The following CCDC88C variants were observed in gnomAD, a reference collection of about 807,000 sequenced individuals.
The protein encoded by CCDC88C is coiled-coil and HOOK domain protein 88C, also known as protein Daple.
In CCDC88C, 131 loss-of-function variants were observed where a neutral mutation model predicts 198.8. That is an observed-to-expected ratio of 0.66 (90% CI 0.57 to 0.76). The LOEUF is 0.76. Ranked by LOEUF, CCDC88C falls within the 30% of genes least tolerant of loss-of-function variation. The probability of loss-of-function intolerance (pLI) is 0.00; values close to 1 mark genes in which losing one functional copy is unlikely to be tolerated. For synonymous variants in CCDC88C, 1,166 were observed against 1,114.7 expected (o/e 1.05, Z -0.92); for missense variants, 2,553 against 2,631.6 (o/e 0.97, Z 0.65).
intron 10 of CCDC88C, among the ~76,000 whole-genome samples, chr14:91,333,990 C>G (rs1316552186): frequency 2.0e-5 from 3 of 152,214 alleles, no homozygotes; most frequent in Non-Finnish European, 4.4e-5. Flanking sequence ...ACTTGGAATA[C>G]CTCTTCTAAC....
At chr14:91,403,167 C>T (rs1413425117) in intron 3 of CCDC88C, among the ~76,000 whole-genome samples, 1 of 152,140 alleles carries the variant, frequency 6.6e-6, no homozygotes, top group Non-Finnish European at 1.5e-5. Flanking sequence ...CTGCACCTGG[C>T]GAGGAGAGGC....
intron 4 of CCDC88C, among the ~76,000 whole-genome samples, chr14:91,356,435 C>T (rs1894043034): frequency 6.6e-6 from 1 of 152,160 alleles, no homozygotes; most frequent in Non-Finnish European, 1.5e-5. Context: ...CTTCACTTTC[C>T]CAGCCCTCAC....
chr14:91,311,969 T>TA (rs75525051), intron 15 of CCDC88C, among the ~76,000 whole-genome samples: 1 of 151,192 alleles, frequency 6.6e-6, no homozygotes, highest in East Asian at 1.9e-4. Flanking sequence ...AAAATAAATT[T>TA]AAAAAAAACT....
chr14:91,381,145 T>C lies in CCDC88C; in HGVS notation c.271-21434A>G, dbSNP rs375162247. ...AAGGTTACCTCCATCACTCAGGGGC[T>C]CCCAGAGAAGCACCTGTGGGTGGGC... On this transcript the variant is annotated intron_variant, in intron 3 of 29. Coordinates refer to ENST00000389857, the MANE Select transcript of CCDC88C (RefSeq NM_001080414.4). This position sits in a 1 kb window ranked among gnomAD's most constrained non-coding sequence, Gnocchi z 4.2. 1.5e-3 allele frequency among the ~76,000 whole-genome samples: 224 copies of C among 152,104 alleles called. 5 individuals carry two copies. The Middle Eastern group carries it at 0.034, about 23-fold the overall frequency.
At chr14:91,331,371 G>A (rs953704171) in intron 10 of CCDC88C, among the ~76,000 whole-genome samples, 9 of 152,236 alleles carry the variant, frequency 5.9e-5, no homozygotes, top group African/African-American at 2.2e-4. Context: ...AGCTGCAGGA[G>A]ATGTTGCCTG....
chr14:91,361,151 A>T (rs1391161944), intron 3 of CCDC88C, among the ~76,000 whole-genome samples: 1 of 151,052 alleles, frequency 6.6e-6, no homozygotes, highest in Admixed American at 6.6e-5. Flanking sequence ...AAAAAAATCC[A>T]ATTTTACGGA....
At chr14:91,287,636 CTTTTTTTTTTTTTT>C (rs71120129) in intron 25 of CCDC88C, among the ~76,000 whole-genome samples, 4 of 75,660 alleles carry the variant, frequency 5.3e-5, no homozygotes, top group South Asian at 5.4e-4. Flanking sequence ...TGCACCAGGT[CTTTTTTTTTTTTTT>C]TTTTTTTTTT....
chr14:91,407,264 C>T (rs1321443188), intron 3 of CCDC88C, among the ~76,000 whole-genome samples: 4 of 152,234 alleles, frequency 2.6e-5, no homozygotes, highest in African/African-American at 2.4e-5. Flanking sequence ...TGCCTGGCAG[C>T]CCACCCAGCA....
rs1887149609 is a variant in CCDC88C at position 91,417,761 on chromosome 14, C to G, written c.-71G>C. The G allele has an allele frequency of 2.3e-6, 3 of 1,277,910 alleles. No individual in the cohort carries two copies. Among genetic ancestry groups the G allele is most frequent in the Non-Finnish European group, 3.1e-6 (3 of 971,562 alleles). The allele number at this position is 1,277,910 out of a possible 1,614,324, so 79.2% of individuals were successfully genotyped here. A position where few individuals can be genotyped will look rare whatever the true frequency, so the allele number is the denominator to read the frequency against. On this transcript the variant is annotated 5_prime_UTR_variant, in exon 1 of 30. Coordinates refer to ENST00000389857, the MANE Select transcript of CCDC88C (RefSeq NM_001080414.4). ...CGTTCCCCCGCGCCGCGGCACAAAA[C>G]GGCTCCGCAGCGAGCAGCGGGCGCG...
At chr14:91,293,427 C>G (rs1333303253) in intron 23 of CCDC88C, among the ~76,000 whole-genome samples, 7 of 143,496 alleles carry the variant, frequency 4.9e-5, no homozygotes, top group Admixed American at 7.0e-5. Context: ...TGCCACGGCC[C>G]ACCTTCCCGT....
At chr14:91,401,744 G>A (rs1209088330) in intron 3 of CCDC88C, among the ~76,000 whole-genome samples, 6 of 152,122 alleles carry the variant, frequency 3.9e-5, no homozygotes, top group Non-Finnish European at 8.8e-5. Flanking sequence ...AGTCAAAAGT[G>A]GAGAAACTAA....
chr14:91,303,172 C>G (rs890968196), intron 20 of CCDC88C, among the ~76,000 whole-genome samples: 1 of 152,014 alleles, frequency 6.6e-6, no homozygotes, highest in Non-Finnish European at 1.5e-5. Context: ...TGGCCTCAGG[C>G]CCCGCTGCAG....
At chr14:91,310,668 C>T (rs1891778507) in intron 15 of CCDC88C, among the ~76,000 whole-genome samples, 1 of 152,190 alleles carries the variant, frequency 6.6e-6, no homozygotes, top group Non-Finnish European at 1.5e-5. Flanking sequence ...CCTTGGTCTT[C>T]CAAAGTGCTG....
chr14:91,377,287 C>T (rs1884491564), intron 3 of CCDC88C, among the ~76,000 whole-genome samples: 1 of 152,162 alleles, frequency 6.6e-6, no homozygotes. Context: ...CTTACTCTTC[C>T]ACCGCGGAGC....
chr14:91,285,964 G>A (rs1890389518), intron 25 of CCDC88C: 2 of 472,382 alleles, frequency 4.2e-6, no homozygotes, highest in Non-Finnish European at 7.1e-6. Context: ...ATCCCGTCTT[G>A]CCCAGGAAAG....
intron 20 of CCDC88C, among the ~76,000 whole-genome samples, chr14:91,300,647 TCTC>T (rs1742251630): frequency 6.6e-6 from 1 of 152,054 alleles, no homozygotes; most frequent in African/African-American, 2.4e-5. Flanking sequence ...ACACAGCAGC[TCTC>T]CTCAGGCGCC....
In CCDC88C at chr14:91,315,543, C is replaced by T. The variant is rs140329067; in HGVS notation, c.1665+107G>A. On this transcript the variant is annotated intron_variant, in intron 14 of 29. Coordinates refer to ENST00000389857, the MANE Select transcript of CCDC88C (RefSeq NM_001080414.4). ...TTTAAGCTGTGGCTAAGCTAGGTAA[C>T]GGATAATCCATGCATCCACAATACA... 6,625 of 1,244,336 alleles carry T rather than the reference C, an allele frequency of 5.3e-3. 30 individuals are homozygous for T. Among genetic ancestry groups the T allele is most frequent in the Non-Finnish European group, 6.8e-3 (6,091 of 892,424 alleles). The allele number at this position is 1,244,336 out of a possible 1,614,324, so 77.1% of individuals were successfully genotyped here. A position where few individuals can be genotyped will look rare whatever the true frequency, so the allele number is the denominator to read the frequency against.
rs1359641505 is a variant in CCDC88C, at chr14:91,326,018, C to A, written c.1089G>T (p.Lys363Asn). Reference protein sequence around the residue: ...REDNIILIETKAMLEEQLTAA... With the variant: ...REDNIILIETNAMLEEQLTAA... Reference sequence around the variant, plus strand: ...CAGTCAGCTGTTCCTCCAGCATGGCCTTGGTTTCAATTAAAATGATATTAT... The same window carrying A: ...CAGTCAGCTGTTCCTCCAGCATGGCATTGGTTTCAATTAAAATGATATTAT... Residue 363 changes from lysine (K) to asparagine (N), a missense_variant, in exon 11 of 30, where the codon AAG (lysine) becomes AAT (asparagine). Physicochemically the swap from Lys to Asn is moderately conservative, Grantham distance 94. Around this residue, in one of 2 missense-constraint regions of CCDC88C, gnomAD observed 1,260 missense variants for 1,412.0 expected, o/e 0.89. Transcript: ENST00000389857. 2 of 1,607,162 alleles carry A rather than the reference C, an allele frequency of 1.2e-6. No homozygotes were observed. Among genetic ancestry groups the A allele is most frequent in the Non-Finnish European group, 1.7e-6 (2 of 1,176,672 alleles).
intron 10 of CCDC88C, among the ~76,000 whole-genome samples, chr14:91,333,363 G>A (rs1347226833): frequency 6.6e-6 from 1 of 152,078 alleles, no homozygotes; most frequent in African/African-American, 2.4e-5. Flanking sequence ...CATTTTCGTC[G>A]TCTGTGAAAT....
Sources: allele counts gnomAD v4.1 joint callset (sites outside exome capture counted in the v4.1 genomes callset), GRCh38; gene constraint gnomAD v4.1.1; regional missense constraint gnomAD v4.1.1; non-coding constraint Gnocchi (gnomAD v3.1); transcripts MANE v1.5; gene names NCBI Gene and HGNC (gene_info 2026-07-23, HGNC 2026-07-21).